The following PTPRN2 variants were observed in gnomAD, a reference collection of about 807,000 sequenced individuals.
The protein encoded by PTPRN2 is receptor-type tyrosine-protein phosphatase N2.
Under a neutral mutation model 118.8 loss-of-function variants are expected in PTPRN2, and 74 were observed. The ratio of observed to expected loss-of-function variants is 0.62; its 90% CI spans 0.52 to 0.76. The LOEUF (loss-of-function observed/expected upper bound fraction) is 0.76, where lower values mean the gene tolerates loss of function less well. PTPRN2 is among the 30% of genes least tolerant of loss of function. The pLI is 0.00. For missense variants in PTPRN2, 1,481 were observed against 1,394.4 expected, an observed-to-expected ratio of 1.06 and a Z score of -0.99; for synonymous variants, 641 against 608.0, an observed-to-expected ratio of 1.05 and a Z score of -0.80.
At chr7:157,731,690 C>T (rs878959217) in intron 12 of PTPRN2, among the ~76,000 whole-genome samples, 17 of 2,496 alleles carry the variant, frequency 6.8e-3, no homozygotes, top group Middle Eastern at 0.5. Flanking sequence ...TCCCGTCCCA[C>T]GCGCCCAGCA....
chr7:157,852,144 A>C, intron 12 of PTPRN2, among the ~76,000 whole-genome samples: 1 of 152,382 alleles, frequency 6.6e-6, no homozygotes, highest in East Asian at 1.9e-4. Context: ...GGTCTCAGCC[A>C]ACAGAACCAA....
At chr7:158,277,145 G>A (rs60999449) in intron 3 of PTPRN2, among the ~76,000 whole-genome samples, 35 of 152,296 alleles carry the variant, frequency 2.3e-4, no homozygotes, top group African/African-American at 5.5e-4. Flanking sequence ...ACGCACACAC[G>A]CGCACATACA....
At chr7:158,303,182 A>AAAAAAAAAC (rs1274915635) in intron 3 of PTPRN2, among the ~76,000 whole-genome samples, 3 of 151,686 alleles carry the variant, frequency 2.0e-5, no homozygotes, top group African/African-American at 7.3e-5. Context: ...AAAAAAAAAA[A>AAAAAAAAAC]AAATTCTTTG....
rs532996240 is a variant in PTPRN2 at position 157,582,234 on chromosome 7, G to A, written c.2497-4094C>T. On this transcript the variant is annotated intron_variant, in intron 17 of 22. Coordinates refer to ENST00000389418, the MANE Select transcript of PTPRN2 (RefSeq NM_002847.5). ...CCCGCCTACGCTTCCTATCAACACC[G>A]ATGGAGAGGAACACAGGGCCTCTTC... Among the ~76,000 whole-genome samples, 5 of 152,330 alleles carry A rather than the reference G, an allele frequency of 3.3e-5. No homozygotes were observed. The South Asian group carries it at 8.3e-4, about 25-fold the overall frequency.
intron 4 of PTPRN2, among the ~76,000 whole-genome samples, chr7:158,193,232 A>G (rs930512008): frequency 6.6e-6 from 1 of 152,172 alleles, no homozygotes; most frequent in Admixed American, 6.5e-5. Flanking sequence ...CAAGGCCAAG[A>G]ACCAGGCACG....
chr7:158,493,277 A>G (rs982087314), intron 1 of PTPRN2, among the ~76,000 whole-genome samples: 5 of 152,244 alleles, frequency 3.3e-5, no homozygotes, highest in Non-Finnish European at 7.3e-5. Context: ...ACATATACAT[A>G]CACACATGCA....
At chr7:157,564,022 C>T (rs1188064626) in intron 21 of PTPRN2, among the ~76,000 whole-genome samples, 2 of 152,206 alleles carry the variant, frequency 1.3e-5, no homozygotes, top group Non-Finnish European at 2.9e-5. Context: ...CTTGGGCCTG[C>T]CCTTAAAAGT....
intron 10 of PTPRN2, among the ~76,000 whole-genome samples, chr7:158,096,317 C>A (rs1814624034): frequency 6.6e-6 from 1 of 152,130 alleles, no homozygotes; most frequent in African/African-American, 2.4e-5. Context: ...CAGCCACATG[C>A]CCAGGCCACC....
chr7:157,620,056 C>T (rs1223543798), intron 15 of PTPRN2, among the ~76,000 whole-genome samples: 1 of 152,204 alleles, frequency 6.6e-6, no homozygotes, highest in African/African-American at 2.4e-5. Flanking sequence ...GCGCAAGGGC[C>T]TTGTCTTAGG....
chr7:158,305,845 A>G lies in PTPRN2; in HGVS notation c.277+10974T>C, dbSNP rs763177891. Reference sequence around the variant, plus strand: ...AAGAAAGAAATGGCTGAATCTCAGCAAGAACAGCGAACTTCCTGGCATCTT... The same window carrying G: ...AAGAAAGAAATGGCTGAATCTCAGCGAGAACAGCGAACTTCCTGGCATCTT... On this transcript the variant is annotated intron_variant, in intron 3 of 22. Coordinates refer to ENST00000389418, the MANE Select transcript of PTPRN2 (RefSeq NM_002847.5). Among the ~76,000 whole-genome samples the G allele has an allele frequency of 2.4e-4, 36 of 152,034 alleles. 1 individual carries two copies. Among genetic ancestry groups the G allele is most frequent in the Non-Finnish European group, 5.9e-5 (4 of 68,006 alleles).
chr7:158,357,854 C>G (rs1219242489), intron 2 of PTPRN2, among the ~76,000 whole-genome samples: 1 of 152,220 alleles, frequency 6.6e-6, no homozygotes, highest in Non-Finnish European at 1.5e-5. Flanking sequence ...CAGCCGCCAG[C>G]CCTCAACTCT....
At chr7:157,725,242 A>ACC in intron 12 of PTPRN2, among the ~76,000 whole-genome samples, 2 of 140,954 alleles carry the variant, frequency 1.4e-5, no homozygotes, top group African/African-American at 5.8e-5. Context: ...AGAACTGGAT[A>ACC]TCCACATGCA....
intron 3 of PTPRN2, among the ~76,000 whole-genome samples, chr7:158,227,111 A>C (rs1828845964): frequency 6.6e-6 from 1 of 152,070 alleles, no homozygotes; most frequent in African/African-American, 2.4e-5. Flanking sequence ...GCGTGGATAA[A>C]TGGGAGGAGG....
At chr7:158,313,142 G>A (rs1044721112) in intron 3 of PTPRN2, among the ~76,000 whole-genome samples, 1 of 152,174 alleles carries the variant, frequency 6.6e-6, no homozygotes, top group Non-Finnish European at 1.5e-5. Context: ...CTACACGTGA[G>A]CATGTGAATG....
intron 11 of PTPRN2, among the ~76,000 whole-genome samples, chr7:157,971,983 G>T (rs1381661483): frequency 6.6e-6 from 1 of 152,228 alleles, no homozygotes; most frequent in Non-Finnish European, 1.5e-5. Flanking sequence ...AAAGCAGAGA[G>T]TCCTATGCAA....
intron 12 of PTPRN2, among the ~76,000 whole-genome samples, chr7:157,824,291 G>A (rs922387305): frequency 6.6e-6 from 1 of 152,076 alleles, no homozygotes; most frequent in African/African-American, 2.4e-5. Flanking sequence ...TCCTAGGGCA[G>A]GGGGCGAGCT....
chr7:158,053,840 C>T (rs111757116), intron 11 of PTPRN2, among the ~76,000 whole-genome samples: 5,311 of 138,310 alleles, frequency 0.038, 415 homozygotes, highest in African/African-American at 0.1. Context: ...GCAGAGACCC[C>T]AGAGACGCAG....
Position 157,964,888 on chromosome 7 carries a change from G to C in PTPRN2, c.1724-66151C>G, listed in dbSNP as rs1049666680. Among the ~76,000 whole-genome samples, 2 of 152,216 alleles carry C rather than the reference G, an allele frequency of 1.3e-5. No individual in the cohort carries two copies. The highest frequency in any genetic ancestry group is 4.8e-5 in the African/African-American group (2 of 41,452). Reference sequence around the variant, plus strand: ...GACTCGCCAGGGCTTTGGTTTGTGAGTGCCCTGCACTCTGTCAGTTGGGCC... The same window carrying C: ...GACTCGCCAGGGCTTTGGTTTGTGACTGCCCTGCACTCTGTCAGTTGGGCC... On this transcript the variant is annotated intron_variant, in intron 11 of 22. Coordinates refer to ENST00000389418, the MANE Select transcript of PTPRN2 (RefSeq NM_002847.5). The surrounding 1 kb of genome is among the most constrained non-coding windows in gnomAD (Gnocchi z 9.0).
At chr7:158,034,610 G>T (rs572183324) in intron 11 of PTPRN2, among the ~76,000 whole-genome samples, 73 of 152,280 alleles carry the variant, frequency 4.8e-4, no homozygotes, top group African/African-American at 1.7e-3. Flanking sequence ...TTTGTAAACT[G>T]CCCAGTCTCA....
Sources: gnomAD v4.1 joint callset for allele counts (sites outside exome capture counted in the v4.1 genomes callset) on GRCh38, gnomAD v4.1.1 for gene constraint, Gnocchi (gnomAD v3.1) non-coding constraint, MANE v1.5 for transcripts, NCBI Gene and HGNC (gene_info 2026-07-23, HGNC 2026-07-21) for gene names.